Variants in AGMO observed in about 807,000 individuals in gnomAD.
AGMO encodes glyceryl-ether monooxygenase.
In AGMO, 75 loss-of-function variants were observed where a neutral mutation model predicts 60.2. That is an observed-to-expected ratio of 1.25 (90% confidence interval 1.03 to 1.51). The LOEUF (loss-of-function observed/expected upper bound fraction) is 1.51. Ranked by LOEUF, AGMO falls within the 40% of genes most tolerant of loss-of-function variation. AGMO has a pLI of 0.00. For missense variants in AGMO, 763 were observed against 525.5 expected (o/e 1.45, Z -4.42); for synonymous variants, 261 against 177.1 (o/e 1.47, Z -3.76).
chr7:15,381,867 T>C (rs1414593741), intron 10 of AGMO, among the ~76,000 whole-genome samples: 1 of 152,184 alleles, frequency 6.6e-6, no homozygotes, highest in Non-Finnish European at 1.5e-5. Flanking sequence ...TCATGTCCTT[T>C]GCATGAACAT....
chr7:15,438,072 C>G (rs1041652140), intron 3 of AGMO, among the ~76,000 whole-genome samples: 3 of 151,998 alleles, frequency 2.0e-5, no homozygotes, highest in African/African-American at 7.2e-5. Flanking sequence ...TGACAATATT[C>G]TCAACATTTA....
chr7:15,351,219 T>C (rs1267012476), intron 12 of AGMO, among the ~76,000 whole-genome samples: 1 of 152,120 alleles, frequency 6.6e-6, no homozygotes, highest in Non-Finnish European at 1.5e-5. Flanking sequence ...CTCATGAAAA[T>C]GCAAATTTAA....
In AGMO at chr7:15,366,283, C is replaced by T. The variant is rs117783846; in HGVS notation, c.1075-61G>A. On this transcript the variant is annotated intron_variant, in intron 10 of 12. Coordinates refer to ENST00000342526, the MANE Select transcript of AGMO (RefSeq NM_001004320.2). ...GAAGAATTGTTAAAAGGTACACGAA[C>T]GGTTAAAGCTTACAAAACAGCCCAA... 2,709 of 1,319,948 alleles carry T rather than the reference C, an allele frequency of 2.1e-3. 6 individuals are homozygous for T. The highest frequency in any genetic ancestry group is 2.3e-3 in the Non-Finnish European group (2,195 of 945,906). The allele number at this position is 1,319,948 out of a possible 1,614,324, so 81.8% of individuals were successfully genotyped here. A position where few individuals can be genotyped will look rare whatever the true frequency, so the allele number is the denominator to read the frequency against.
rs1003001109 is a variant in AGMO at position 15,200,772 on chromosome 7, G to A, written c.*513C>T. ...CCCCACAAAGTGCTGGGATTACAGGGGTGAGCCACCGCGCCTGGCCTCAGT... is the reference window on the plus strand; with the variant it reads ...CCCCACAAAGTGCTGGGATTACAGGAGTGAGCCACCGCGCCTGGCCTCAGT... On this transcript the variant is annotated 3_prime_UTR_variant, in exon 13 of 13. Coordinates refer to ENST00000342526, the MANE Select transcript of AGMO (RefSeq NM_001004320.2). 2.6e-5 allele frequency: 4 copies of A among 152,714 alleles called. No individual in the cohort carries two copies. Among genetic ancestry groups the A allele is most frequent in the East Asian group, 1.9e-4 (1 of 5,186 alleles). 9.5% of individuals were successfully genotyped at this position (152,714 alleles called of 1,614,324 possible).
chr7:15,491,496 C>T (rs544855708), intron 3 of AGMO, among the ~76,000 whole-genome samples: 3 of 152,060 alleles, frequency 2.0e-5, no homozygotes, highest in Admixed American at 6.5e-5. Flanking sequence ...TTATTATGTG[C>T]CATACCACAA....
intron 12 of AGMO, among the ~76,000 whole-genome samples, chr7:15,337,358 G>A (rs1035588630): frequency 5.3e-5 from 8 of 152,012 alleles, no homozygotes; most frequent in Non-Finnish European, 4.4e-5. Flanking sequence ...AATCATGCCC[G>A]AGAAAGAGGG....
intron 3 of AGMO, among the ~76,000 whole-genome samples, chr7:15,493,362 C>CACACAT (rs71004386): frequency 0.29 from 29,085 of 101,998 alleles, 5,238 homozygotes; most frequent in East Asian, 0.71. Context: ...CACACACACA[C>CACACAT]TTCTTTTTTT....
intron 12 of AGMO, among the ~76,000 whole-genome samples, chr7:15,202,458 C>CATAAAAAA (rs1781317194): frequency 2.2e-5 from 1 of 45,358 alleles, no homozygotes; most frequent in Non-Finnish European, 4.5e-5. Context: ...TACAAATGAG[C>CATAAAAAA]AAAAAAAAAA....
chr7:15,235,982 A>C (rs184698267), intron 12 of AGMO, among the ~76,000 whole-genome samples: 143 of 152,242 alleles, frequency 9.4e-4, no homozygotes, highest in African/African-American at 3.1e-3. Context: ...ATTCTTAAAA[A>C]CATTATTATT....
At chr7:15,389,151 C>A (rs1784040599) in intron 8 of AGMO, among the ~76,000 whole-genome samples, 1 of 152,194 alleles carries the variant, frequency 6.6e-6, no homozygotes. Context: ...CATCAACTGG[C>A]AGCACTGGCA....
intron 3 of AGMO, among the ~76,000 whole-genome samples, chr7:15,444,692 T>A (rs10278516): frequency 0.026 from 3,987 of 152,268 alleles, 146 homozygotes; most frequent in African/African-American, 0.082. Flanking sequence ...TCAACTCTTG[T>A]TTTTCTCAAC....
intron 5 of AGMO, among the ~76,000 whole-genome samples, chr7:15,415,948 T>C (rs774124308): frequency 1.3e-5 from 2 of 150,722 alleles, no homozygotes; most frequent in Non-Finnish European, 3.0e-5. Flanking sequence ...CAGAGTAGAG[T>C]TTCAAGCCAA....
At chr7:15,237,057 T>C (rs1280060757) in intron 12 of AGMO, among the ~76,000 whole-genome samples, 5 of 152,184 alleles carry the variant, frequency 3.3e-5, no homozygotes, top group Admixed American at 3.3e-4. Context: ...AATACCTTTT[T>C]AAAGTAAGCA....
At chr7:15,412,600 G>T (rs1486802243) in intron 5 of AGMO, among the ~76,000 whole-genome samples, 1 of 150,000 alleles carries the variant, frequency 6.7e-6, no homozygotes, top group Non-Finnish European at 1.5e-5. Context: ...TTCAATTGCT[G>T]TCTGGTGCTA....
chr7:15,517,566 A>G (rs1031108100), intron 3 of AGMO, among the ~76,000 whole-genome samples: 1 of 151,730 alleles, frequency 6.6e-6, no homozygotes, highest in Non-Finnish European at 1.5e-5. Flanking sequence ...GCAAGGGGTC[A>G]GGAACTCCTT....
chr7:15,510,939 T>C (rs966769546), intron 3 of AGMO, among the ~76,000 whole-genome samples: 6 of 149,520 alleles, frequency 4.0e-5, no homozygotes, highest in African/African-American at 1.2e-4. Flanking sequence ...GTTTATATTA[T>C]ATGATAATAT....
chr7:15,145,737 T>C, the AGMO span, among the ~76,000 whole-genome samples: 4 of 152,176 alleles, frequency 2.6e-5, no homozygotes, highest in African/African-American at 9.6e-5. Context: ...TAAAGATTAT[T>C]ACCCGTAGGT....
At chr7:15,481,718 T>G (rs910092404) in intron 3 of AGMO, among the ~76,000 whole-genome samples, 1 of 151,878 alleles carries the variant, frequency 6.6e-6, no homozygotes, top group Non-Finnish European at 1.5e-5. Context: ...GTTAATTGTG[T>G]TTTCAGGATC....
intron 12 of AGMO, among the ~76,000 whole-genome samples, chr7:15,218,519 C>T (rs1781815799): frequency 6.7e-6 from 1 of 150,288 alleles, no homozygotes; most frequent in African/African-American, 2.5e-5. Flanking sequence ...AGTGGGCTTC[C>T]AATGTTCAGA....
Sources: allele counts gnomAD v4.1 joint callset (sites outside exome capture counted in the v4.1 genomes callset), GRCh38; gene constraint gnomAD v4.1.1; transcripts MANE v1.5; gene names NCBI Gene and HGNC (gene_info 2026-07-23, HGNC 2026-07-21).